Variants in LSAMP observed in about 807,000 individuals in gnomAD.
LSAMP encodes the protein limbic system associated membrane protein, also known as limbic system-associated membrane protein.
In LSAMP, 7 loss-of-function variants were observed where a neutral mutation model predicts 38.6. The ratio of observed to expected loss-of-function variants is 0.18; its 90% CI spans 0.10 to 0.34. The LOEUF (loss-of-function observed/expected upper bound fraction) is 0.34, where lower values mean the gene tolerates loss of function less well. Among genes scored for constraint, LSAMP ranks in the 10% least tolerant of loss-of-function variants. The probability of loss-of-function intolerance (pLI) is 1.00; values close to 1 mark genes in which losing one functional copy is unlikely to be tolerated. For missense variants in LSAMP, 313 were observed against 420.0 expected, an observed-to-expected ratio of 0.75 and a Z score of 2.23; for synonymous variants, 154 against 166.8, an observed-to-expected ratio of 0.92 and a Z score of 0.59.
chr3:116,122,573 C>T (rs1288714057), intron 1 of LSAMP, among the ~76,000 whole-genome samples: 1 of 152,198 alleles, frequency 6.6e-6, no homozygotes, highest in African/African-American at 2.4e-5. Context: ...ATCTCATCTA[C>T]AAGTAATCTC....
intron 1 of LSAMP, among the ~76,000 whole-genome samples, chr3:116,382,966 G>A (rs1474650873): frequency 3.3e-5 from 5 of 152,116 alleles, no homozygotes; most frequent in Non-Finnish European, 7.4e-5. Context: ...AAATTGTTCT[G>A]TCCATAAATG....
At chr3:116,141,332 C>T (rs79528226) in intron 1 of LSAMP, among the ~76,000 whole-genome samples, 1,778 of 151,544 alleles carry the variant, frequency 0.012, 31 homozygotes, top group African/African-American at 0.041. Flanking sequence ...GAAGGGGATG[C>T]GGAGAAGAGT....
chr3:115,924,935 T>A (rs972108489), intron 3 of LSAMP, among the ~76,000 whole-genome samples: 2 of 152,168 alleles, frequency 1.3e-5, no homozygotes, highest in East Asian at 3.9e-4. Context: ...CTCTTTCTTA[T>A]AAGAAATTCA....
At chr3:116,351,453 T>G (rs2048138844) in intron 1 of LSAMP, among the ~76,000 whole-genome samples, 2 of 152,046 alleles carry the variant, frequency 1.3e-5, no homozygotes, top group African/African-American at 4.8e-5. Flanking sequence ...ACCATGGGTA[T>G]GTTGGAAAGG....
intron 3 of LSAMP, among the ~76,000 whole-genome samples, chr3:115,874,091 A>AT (rs1256182884): frequency 3.9e-5 from 6 of 152,182 alleles, no homozygotes; most frequent in Admixed American, 3.9e-4. Context: ...ATTTACATCT[A>AT]ATGAAGACTT....
At chr3:116,031,487 T>C (rs902506822) in intron 2 of LSAMP, among the ~76,000 whole-genome samples, 2 of 148,172 alleles carry the variant, frequency 1.3e-5, no homozygotes, top group Non-Finnish European at 3.0e-5. Context: ...CTGGTGCTTG[T>C]AAGGATCTCT....
At chr3:116,056,000 T>C (rs1378433461) in intron 2 of LSAMP, among the ~76,000 whole-genome samples, 4 of 152,050 alleles carry the variant, frequency 2.6e-5, no homozygotes, top group Admixed American at 6.6e-5. Context: ...CACACGACTA[T>C]TGAGGGAGCA....
intron 1 of LSAMP, among the ~76,000 whole-genome samples, chr3:116,231,098 A>T (rs943395153): frequency 1.3e-5 from 2 of 152,192 alleles, no homozygotes; most frequent in African/African-American, 4.8e-5. Flanking sequence ...GACCACAAAC[A>T]TGAACGCCCA....
chr3:116,302,272 T>C (rs2047420732), intron 1 of LSAMP, among the ~76,000 whole-genome samples: 3 of 152,198 alleles, frequency 2.0e-5, no homozygotes, highest in Admixed American at 6.5e-5. Context: ...CTAGGCAAAA[T>C]TGTATATAAG....
In LSAMP at chr3:116,135,358, C is replaced by T. The variant is rs183456170; in HGVS notation, c.156-48802G>A. Among the ~76,000 whole-genome samples, 253 of 152,292 alleles carry T rather than the reference C, an allele frequency of 1.7e-3. 3 individuals carry two copies. The highest frequency in any genetic ancestry group is 5.9e-3 in the African/African-American group (244 of 41,566). ...CAAGGCATTATCTATGTTAATTTCA[C>T]AACTGTGCTGTGATGTAGATACCTT... is the stretch of plus-strand genomic sequence containing the variant. On this transcript the variant is annotated intron_variant, in intron 1 of 6. Coordinates refer to ENST00000490035, the MANE Select transcript of LSAMP (RefSeq NM_002338.5).
intron 1 of LSAMP, among the ~76,000 whole-genome samples, chr3:116,143,723 A>C (rs1709426676): frequency 6.6e-6 from 1 of 151,804 alleles, no homozygotes; most frequent in Admixed American, 6.6e-5. Flanking sequence ...TTAGCTTTTC[A>C]AAAAAGTAGC....
chr3:116,341,948 G>A (rs941709515), intron 1 of LSAMP, among the ~76,000 whole-genome samples: 1 of 151,972 alleles, frequency 6.6e-6, no homozygotes, highest in Admixed American at 6.6e-5. Flanking sequence ...TAACAGGGCT[G>A]GGGTAGCACT....
At chr3:116,098,705 C>T (rs1048598818) in intron 1 of LSAMP, among the ~76,000 whole-genome samples, 4 of 152,016 alleles carry the variant, frequency 2.6e-5, no homozygotes, top group Admixed American at 6.6e-5. Flanking sequence ...GGACTTCATC[C>T]TTGTGTAACA....
intron 2 of LSAMP, among the ~76,000 whole-genome samples, chr3:116,043,984 A>T (rs1292284070): frequency 6.6e-6 from 1 of 152,198 alleles, no homozygotes; most frequent in Non-Finnish European, 1.5e-5. Context: ...AAAATTCTTA[A>T]TGTCTTTCCA....
chr3:115,943,040 TGAA>T (rs1937979471), intron 3 of LSAMP, among the ~76,000 whole-genome samples: 1 of 152,116 alleles, frequency 6.6e-6, no homozygotes, highest in African/African-American at 2.4e-5. Context: ...AGAACTCAGA[TGAA>T]GAAAAAATTA....
intron 1 of LSAMP, among the ~76,000 whole-genome samples, chr3:116,152,948 G>A (rs997377918): frequency 6.6e-6 from 1 of 151,990 alleles, no homozygotes; most frequent in Non-Finnish European, 1.5e-5. Flanking sequence ...GAGCTTCTGT[G>A]TATGGTCTCA....
At chr3:116,373,816 AC>A (rs1481950425) in intron 1 of LSAMP, among the ~76,000 whole-genome samples, 2 of 151,888 alleles carry the variant, frequency 1.3e-5, no homozygotes, top group African/African-American at 2.4e-5. Flanking sequence ...CTGGATTCCC[AC>A]ACACCCCAAA....
At chr3:116,261,538 C>A (rs2046825868) in intron 1 of LSAMP, among the ~76,000 whole-genome samples, 1 of 152,152 alleles carries the variant, frequency 6.6e-6, no homozygotes, top group Non-Finnish European at 1.5e-5. Context: ...TTTCTCATAT[C>A]TTTGAATTCC....
chr3:116,232,714 T>A (rs867746073), intron 1 of LSAMP, among the ~76,000 whole-genome samples: 1,758 of 148,540 alleles, frequency 0.012, 39 homozygotes, highest in African/African-American at 0.04. Context: ...TTTTTTTTTT[T>A]TTCCAGCAGG....
Sources: allele counts gnomAD v4.1 joint callset (sites outside exome capture counted in the v4.1 genomes callset), GRCh38; gene constraint gnomAD v4.1.1; transcripts MANE v1.5; gene names NCBI Gene and HGNC (gene_info 2026-07-23, HGNC 2026-07-21).